The following MYCBP2 variants were observed in gnomAD, a reference collection of about 807,000 sequenced individuals.
MYCBP2 encodes the protein E3 ubiquitin-protein ligase MYCBP2.
MYCBP2 carries 120 observed loss-of-function variants against 525.3 expected under a neutral mutation model. The observed-to-expected ratio is 0.23, with a 90% CI of 0.20 to 0.27. The LOEUF (loss-of-function observed/expected upper bound fraction) is 0.27, where lower values mean the gene tolerates loss of function less well. Among genes scored for constraint, MYCBP2 ranks in the 10% least tolerant of loss-of-function variants. The pLI is 1.00. For synonymous variants in MYCBP2, 1,894 were observed against 1,955.8 expected (o/e 0.97, Z 0.83); for missense variants, 4,149 against 5,657.1 (o/e 0.73, Z 8.55).
At chr13:77,076,913 A>G in intron 67 of MYCBP2, 64 bp from the exon 68 acceptor site, 1 of 1,279,258 alleles carries the variant, frequency 7.8e-7, no homozygotes, top group South Asian at 1.3e-5. Context: ...TGGCCAGAGG[A>G]CTCATTAGCT....
At chr13:77,248,732 T>C (rs2070547403) in intron 15 of MYCBP2, among the ~76,000 whole-genome samples, 1 of 152,106 alleles carries the variant, frequency 6.6e-6, no homozygotes, top group African/African-American at 2.4e-5. Context: ...AAAATAAAAT[T>C]ACCATATAGT....
chr13:77,136,257 C>A (rs2053745920), intron 52 of MYCBP2, among the ~76,000 whole-genome samples: 1 of 152,180 alleles, frequency 6.6e-6, no homozygotes, highest in Admixed American at 6.5e-5. Flanking sequence ...CTTCAGCCAC[C>A]CTCCCATGGC....
At position 77,260,412 on chromosome 13, in the gene MYCBP2, C is replaced by A; in HGVS notation, c.2017+16G>T. 6.5e-7 allele frequency: 1 copy of A among 1,528,676 alleles called. No individual in the cohort carries two copies. Among genetic ancestry groups the A allele is most frequent in the South Asian group, 1.3e-5 (1 of 75,940 alleles). 94.7% of individuals were successfully genotyped at this position (1,528,676 alleles called of 1,614,324 possible). A position where few individuals can be genotyped will look rare whatever the true frequency, so the allele number is the denominator to read the frequency against. ...GAAACTTCTTTGCATAAAAGTAAAACTTTTTATTAACTTACTTGAACTATC... is the reference window on the plus strand; with the variant it reads ...GAAACTTCTTTGCATAAAAGTAAAAATTTTTATTAACTTACTTGAACTATC... On this transcript the variant is annotated intron_variant, in intron 13 of 82. Coordinates refer to ENST00000544440, the MANE Select transcript of MYCBP2 (RefSeq NM_015057.5).
At position 77,044,700 on chromosome 13, in the gene MYCBP2, A is replaced by G. The variant is rs1429483585; in HGVS notation, c.*678T>C. On this transcript the variant is annotated 3_prime_UTR_variant, in exon 83 of 83. Coordinates refer to ENST00000544440, the MANE Select transcript of MYCBP2 (RefSeq NM_015057.5). ...AAAAATGTACAGTGGTTTTATTGAC[A>G]TGTACATTCCAATATGTTTACAGCT... 2 of 398,634 alleles carry G rather than the reference A, an allele frequency of 5.0e-6. No individual in the cohort carries two copies. Among genetic ancestry groups the G allele is most frequent in the East Asian group, 3.6e-5 (1 of 27,994 alleles). The allele number at this position is 398,634 out of a possible 1,614,324, so 24.7% of individuals were successfully genotyped here. A position where few individuals can be genotyped will look rare whatever the true frequency, so the allele number is the denominator to read the frequency against.
At chr13:77,072,941 T>G (rs1594242897) in intron 68 of MYCBP2, among the ~76,000 whole-genome samples, 3 of 152,182 alleles carry the variant, frequency 2.0e-5, no homozygotes, top group South Asian at 4.1e-4. Flanking sequence ...GATAGTTCTT[T>G]CATCTTGTTT....
intron 18 of MYCBP2, among the ~76,000 whole-genome samples, chr13:77,231,401 T>C (rs2154300922): frequency 6.6e-6 from 1 of 152,168 alleles, no homozygotes; most frequent in Middle Eastern, 3.4e-3. Context: ...GGGCTTATTA[T>C]TGTTATCATT....
chr13:77,306,795 C>T (rs570036045), intron 1 of MYCBP2, among the ~76,000 whole-genome samples: 72 of 152,206 alleles, frequency 4.7e-4, no homozygotes, highest in African/African-American at 1.6e-3. Context: ...TAACTAAGAA[C>T]ACAGAGATAC....
At chr13:77,200,390 T>C (rs1255886739) in intron 26 of MYCBP2, among the ~76,000 whole-genome samples, 3 of 151,994 alleles carry the variant, frequency 2.0e-5, no homozygotes, top group Non-Finnish European at 4.4e-5. Flanking sequence ...TATGGGACTA[T>C]GTGAAAAGAC....
chr13:77,186,913 C>A (rs1486007341), intron 30 of MYCBP2, among the ~76,000 whole-genome samples: 1 of 151,050 alleles, frequency 6.6e-6, no homozygotes, highest in Non-Finnish European at 1.5e-5. Flanking sequence ...TCAAGCTATC[C>A]TCTCACCACC....
rs756314863 is a variant in MYCBP2, at chr13:77,257,839, A to G, written c.2018-10T>C. The G allele has an allele frequency of 9.4e-6, 15 of 1,594,638 alleles. No individual in the cohort carries two copies. Among genetic ancestry groups the G allele is most frequent in the Middle Eastern group, 3.4e-4 (2 of 5,960 alleles). ...AAATCAGTTACCAAACCTATAGGAA[A>G]GAAACAAATTTAGTAAAAACAACAA... On this transcript the variant is annotated splice_polypyrimidine_tract_variant and intron_variant, in intron 13 of 82. Coordinates refer to ENST00000544440, the MANE Select transcript of MYCBP2 (RefSeq NM_015057.5).
intron 1 of MYCBP2, among the ~76,000 whole-genome samples, chr13:77,310,550 G>A (rs2080059077): frequency 6.6e-6 from 1 of 151,950 alleles, no homozygotes; most frequent in Admixed American, 6.6e-5. Flanking sequence ...TTACTATCTG[G>A]TCATATAAAT....
chr13:77,326,483 G>C lies in MYCBP2; in HGVS notation c.293C>G (p.Pro98Arg). Residue 98 changes from proline to arginine, a missense_variant, in exon 1 of 83, where the codon CCA (proline) becomes CGA (arginine). Coordinates refer to ENST00000544440, the MANE Select transcript of MYCBP2 (RefSeq NM_015057.5). The surrounding 1 kb of genome is among the most constrained non-coding windows in gnomAD (Gnocchi z 4.2). ...RDQGGGSAGHPASRNKKILNK... is the reference protein window; with the variant it reads ...RDQGGGSAGHRASRNKKILNK... ...CACCCTGGGGACGCACCTGGAGGCT[G>C]GGTGTCCAGCGCTGCCGCCCCCCTG... 6.3e-7 allele frequency: 1 copy of C among 1,576,562 alleles called. No individual in the cohort carries two copies. The highest frequency in any genetic ancestry group is 8.6e-7 in the Non-Finnish European group (1 of 1,163,104).
intron 71 of MYCBP2, 25 bp from the exon 72 acceptor site, chr13:77,066,113 A>G: frequency 6.6e-7 from 1 of 1,506,924 alleles, no homozygotes; most frequent in Non-Finnish European, 9.2e-7. Flanking sequence ...AGCACTTAAA[A>G]AGCCAATAAA....
At chr13:77,088,765 C>T (rs979143319) in intron 61 of MYCBP2, 67 bp downstream of exon 61, 527 of 1,377,052 alleles carry the variant, frequency 3.8e-4, no homozygotes, top group Non-Finnish European at 5.0e-4. Context: ...AAAGTGGCAT[C>T]GTGAAATAGA....
At chr13:77,181,140 TTCAA>T (rs1290074359) in intron 33 of MYCBP2, among the ~76,000 whole-genome samples, 5 of 152,130 alleles carry the variant, frequency 3.3e-5, no homozygotes, top group African/African-American at 1.2e-4. Context: ...GTAGAAAAAT[TTCAA>T]GAAGTCACAG....
chr13:77,069,813 G>C (rs986575251), intron 69 of MYCBP2, among the ~76,000 whole-genome samples: 1 of 151,650 alleles, frequency 6.6e-6, no homozygotes, highest in Admixed American at 6.6e-5. Context: ...GCTTGCAGTG[G>C]GCCGAGATCG....
intron 17 of MYCBP2, among the ~76,000 whole-genome samples, chr13:77,242,142 T>A (rs2068943325): frequency 6.6e-6 from 1 of 152,112 alleles, no homozygotes; most frequent in Non-Finnish European, 1.5e-5. Context: ...TGAGATGGAG[T>A]CTCACTCTGT....
intron 20 of MYCBP2, among the ~76,000 whole-genome samples, chr13:77,223,144 A>G (rs1451336244): frequency 2.6e-5 from 4 of 152,324 alleles, no homozygotes; most frequent in East Asian, 1.9e-4. Flanking sequence ...GTTAACTATT[A>G]TAACAGCCTC....
Position 77,243,913 on chromosome 13 carries a change from A to C in MYCBP2, c.2420T>G (p.Val807Gly), listed in dbSNP as rs765035897. The stretch of plus-strand genomic sequence containing the variant: ...TGCACAGGCCTTGCAACATCCACAC[A>C]CAGCACAACCAGATTCTCCGGAACC... The part of the protein sequence containing the change: ...GCGSGESGCA[V>G]CGCCKACARE... Residue 807 changes from valine to glycine, a missense_variant, in exon 16 of 83, where the codon GTG becomes GGG. By Grantham distance (109) the Val-to-Gly change is moderately radical. Transcript: ENST00000544440. The C allele has an allele frequency of 4.4e-6, 7 of 1,608,528 alleles. No individual in the cohort carries two copies. The highest frequency in any genetic ancestry group is 5.9e-6 in the Non-Finnish European group (7 of 1,177,866).
Sources: allele counts gnomAD v4.1 joint callset (sites outside exome capture counted in the v4.1 genomes callset), GRCh38; gene constraint gnomAD v4.1.1; non-coding constraint Gnocchi (gnomAD v3.1); transcripts MANE v1.5; gene names NCBI Gene and HGNC (gene_info 2026-07-23, HGNC 2026-07-21).